ADCY1: variants seen among roughly 807,000 people sequenced by gnomAD.
ADCY1 encodes the protein adenylate cyclase type 1.
In ADCY1, 28 loss-of-function variants were observed where a neutral mutation model predicts 105.4. The ratio of observed to expected loss-of-function variants is 0.27; its 90% CI spans 0.20 to 0.36. The LOEUF (loss-of-function observed/expected upper bound fraction) is 0.36, where lower values mean the gene tolerates loss of function less well. Ranked by LOEUF, ADCY1 falls within the 10% of genes least tolerant of loss-of-function variation. The pLI, the probability that ADCY1 is intolerant of heterozygous loss-of-function variation, is 1.00. For missense variants in ADCY1, 977 were observed against 1,434.2 expected (o/e 0.68, Z 5.15); for synonymous variants, 655 against 623.8 (o/e 1.05, Z -0.75).
intron 1 of ADCY1, among the ~76,000 whole-genome samples, chr7:45,590,150 A>G (rs2115764191): frequency 6.6e-6 from 1 of 152,224 alleles, no homozygotes; most frequent in Non-Finnish European, 1.5e-5. Flanking sequence ...CCCACACGGA[A>G]CAGCTCTGAT....
At position 45,574,411 on chromosome 7, in the gene ADCY1, C is replaced by T. The variant is rs1792249450; in HGVS notation, c.-133C>T. On this transcript the variant is annotated 5_prime_UTR_variant, in exon 1 of 20. Coordinates refer to ENST00000297323, the MANE Select transcript of ADCY1 (RefSeq NM_021116.4). This position sits in a 1 kb window ranked among gnomAD's most constrained non-coding sequence, Gnocchi z 7.0. Reference sequence around the variant, plus strand: ...GCGCGGGGCAGCCGGCGCCCCAACTCCGCCCGCCCCGCGCCCCGCGCCCCG... The same window carrying T: ...GCGCGGGGCAGCCGGCGCCCCAACTTCGCCCGCCCCGCGCCCCGCGCCCCG... 6.9e-6 allele frequency: 1 copy of T among 144,636 alleles called. No individual in the cohort carries two copies. The highest frequency in any genetic ancestry group is 2.5e-5 in the African/African-American group (1 of 39,792). The allele number at this position is 144,636 out of a possible 1,614,324, so 9.0% of individuals were successfully genotyped here. A position where few individuals can be genotyped will look rare whatever the true frequency, so the allele number is the denominator to read the frequency against.
At chr7:45,583,071 C>T (rs1792607624) in intron 1 of ADCY1, among the ~76,000 whole-genome samples, 2 of 152,204 alleles carry the variant, frequency 1.3e-5, no homozygotes. Flanking sequence ...GGTGTGACTT[C>T]GTAGAGCCTG....
intron 4 of ADCY1, among the ~76,000 whole-genome samples, chr7:45,626,306 G>A (rs1794060922): frequency 6.6e-6 from 1 of 152,188 alleles, no homozygotes; most frequent in Admixed American, 6.5e-5. Context: ...ACAGTGTTAC[G>A]TTTAAAGACA....
chr7:45,702,376 C>G (rs1226633695), intron 14 of ADCY1, among the ~76,000 whole-genome samples: 1 of 152,218 alleles, frequency 6.6e-6, no homozygotes, highest in Non-Finnish European at 1.5e-5. Context: ...GGTCACCAGC[C>G]ACCTAGGGGG....
intron 11 of ADCY1, among the ~76,000 whole-genome samples, chr7:45,684,033 A>G (rs1784616433): frequency 6.6e-6 from 1 of 152,248 alleles, no homozygotes; most frequent in South Asian, 2.1e-4. Flanking sequence ...CCCAGAGGCC[A>G]GGTTGGGACT....
At chr7:45,615,814 C>T (rs936374564) in intron 3 of ADCY1, among the ~76,000 whole-genome samples, 7 of 151,238 alleles carry the variant, frequency 4.6e-5, no homozygotes, top group African/African-American at 1.7e-4. Flanking sequence ...ACATATTAAG[C>T]CCAAAGTTAT....
intron 2 of ADCY1, among the ~76,000 whole-genome samples, chr7:45,607,741 G>C (rs1793418539): frequency 6.6e-6 from 1 of 152,208 alleles, no homozygotes. Context: ...GTGGCCTCCA[G>C]CTGCATCCAT....
intron 1 of ADCY1, among the ~76,000 whole-genome samples, chr7:45,588,249 G>C (rs182228399): frequency 1.3e-5 from 2 of 152,000 alleles, no homozygotes; most frequent in Admixed American, 6.5e-5. Flanking sequence ...GTGTGTGTGC[G>C]TGTGTGTGTG....
rs542783136 is a variant in ADCY1 at position 45,712,811 on chromosome 7, G to T, written c.3058-882G>T. ...ATGTCCTCTGTTCACAGGACTCATT[G>T]CATTTAGTAGAAACTATTTTCTCAT... On this transcript the variant is annotated intron_variant, in intron 19 of 19. Coordinates refer to ENST00000297323, the MANE Select transcript of ADCY1 (RefSeq NM_021116.4). Among the ~76,000 whole-genome samples the T allele has an allele frequency of 1.2e-3, 177 of 152,280 alleles. 1 individual carries two copies. The highest frequency in any genetic ancestry group is 3.9e-3 in the African/African-American group (163 of 41,564).
At chr7:45,653,163 C>T (rs1206838483) in intron 5 of ADCY1, among the ~76,000 whole-genome samples, 1 of 152,214 alleles carries the variant, frequency 6.6e-6, no homozygotes, top group African/African-American at 2.4e-5. Context: ...CCTAACTGTC[C>T]AGTGAGTTTG....
intron 3 of ADCY1, among the ~76,000 whole-genome samples, chr7:45,618,757 G>C (rs898385498): frequency 3.3e-5 from 5 of 152,188 alleles, no homozygotes; most frequent in African/African-American, 1.2e-4. Flanking sequence ...TCTTGTACCA[G>C]TTGGTGGGAA....
At chr7:45,596,112 C>T (rs1420098707) in intron 2 of ADCY1, among the ~76,000 whole-genome samples, 1 of 152,260 alleles carries the variant, frequency 6.6e-6, no homozygotes, top group Non-Finnish European at 1.5e-5. Context: ...CTAGAGGTGG[C>T]CATGGCAGCC....
chr7:45,628,588 C>T (rs753847595), intron 4 of ADCY1, among the ~76,000 whole-genome samples: 1 of 152,148 alleles, frequency 6.6e-6, no homozygotes, highest in Non-Finnish European at 1.5e-5. Context: ...GCAGGACATC[C>T]CATGGGCTGT....
intron 1 of ADCY1, among the ~76,000 whole-genome samples, chr7:45,577,400 A>G (rs149228627): frequency 0.019 from 2,882 of 152,330 alleles, 63 homozygotes; most frequent in South Asian, 0.096. Flanking sequence ...GATGATTCCC[A>G]GGGATTCTGC....
chr7:45,614,130 A>G (rs1793667083), intron 3 of ADCY1, among the ~76,000 whole-genome samples: 1 of 152,228 alleles, frequency 6.6e-6, no homozygotes, highest in South Asian at 2.1e-4. Context: ...TATTACTGTA[A>G]TTGTAGTGCA....
chr7:45,600,388 G>A (rs1793197691), intron 2 of ADCY1, among the ~76,000 whole-genome samples: 2 of 152,350 alleles, frequency 1.3e-5, no homozygotes, highest in South Asian at 4.1e-4. Context: ...AGCCCGAGGA[G>A]CAGAGCCACA....
intron 4 of ADCY1, among the ~76,000 whole-genome samples, chr7:45,643,791 A>T (rs1794586527): frequency 6.6e-6 from 1 of 151,916 alleles, no homozygotes; most frequent in African/African-American, 2.4e-5. Context: ...TTGCCCCTCC[A>T]TGGTTCCTTT....
In ADCY1 at chr7:45,575,690, A is replaced by T. The variant is rs559375449; in HGVS notation, c.639+508A>T. Among the ~76,000 whole-genome samples, 1 of 152,334 alleles carries T rather than the reference A, an allele frequency of 6.6e-6. No homozygotes were observed. The highest frequency in any genetic ancestry group is 1.9e-4 in the East Asian group (1 of 5,176). The stretch of plus-strand genomic sequence containing the variant: ...GGTGGTATATGGGTGGTGGGAAAGG[A>T]CTTCGGCTCTTCCAGCCTTGCTGGC... On this transcript the variant is annotated intron_variant, in intron 1 of 19. Coordinates refer to ENST00000297323, the MANE Select transcript of ADCY1 (RefSeq NM_021116.4). The surrounding 1 kb of genome is among the most constrained non-coding windows in gnomAD (Gnocchi z 4.7).
chr7:45,665,997 TTC>T lies in ADCY1; in HGVS notation c.1605+3790_1605+3791del, dbSNP rs536823330. Among the ~76,000 whole-genome samples the T allele has an allele frequency of 1.1e-3, 169 of 152,316 alleles. 1 individual carries two copies. Among genetic ancestry groups the T allele is most frequent in the African/African-American group, 4.0e-3 (166 of 41,570 alleles). ...ATTTTGGATAGCTGTTGCCAAATTG[TTC>T]TCTCTCAGGCACTTGCTGTGCTCGC... is the stretch of plus-strand genomic sequence containing the variant. On this transcript the variant is annotated intron_variant, in intron 8 of 19. Transcript: ENST00000297323.
Sources: allele counts gnomAD v4.1 joint callset (sites outside exome capture counted in the v4.1 genomes callset), GRCh38; gene constraint gnomAD v4.1.1; non-coding constraint Gnocchi (gnomAD v3.1); transcripts MANE v1.5; gene names NCBI Gene and HGNC (gene_info 2026-07-23, HGNC 2026-07-21).